Variants in LYZL4 observed in about 807,000 individuals in gnomAD.
The protein encoded by LYZL4 is lysozyme like 4.
In LYZL4, 13 loss-of-function variants were observed where a neutral mutation model predicts 17.6. The observed-to-expected ratio is 0.74, with a 90% CI of 0.48 to 1.18. The LOEUF is 1.18. Ranked by LOEUF, LYZL4 falls within the 50% of genes most tolerant of loss-of-function variation. LYZL4 has a pLI of 0.00. For synonymous variants in LYZL4, 64 were observed against 67.7 expected (o/e 0.95, Z 0.27); for missense variants, 174 against 188.2 (o/e 0.92, Z 0.44).
At chr3:42,361,604 C>A in the LYZL4 span, among the ~76,000 whole-genome samples, 1 of 151,690 alleles carries the variant, frequency 6.6e-6, no homozygotes, top group Non-Finnish European at 1.5e-5. Flanking sequence ...GTGGTGCACA[C>A]CTGTTGTTCC....
chr3:42,385,941 A>G, the LYZL4 span, among the ~76,000 whole-genome samples: 9 of 152,256 alleles, frequency 5.9e-5, no homozygotes, highest in Non-Finnish European at 1.0e-4. Flanking sequence ...AGGGTTCTGG[A>G]GGTCAGAGGT....
chr3:42,371,650 T>C, the LYZL4 span, among the ~76,000 whole-genome samples: 2 of 152,126 alleles, frequency 1.3e-5, no homozygotes, highest in Admixed American at 1.3e-4. Flanking sequence ...ACCCAACACT[T>C]AAAATTCACT....
chr3:42,393,216 A>C (rs1297043689), downstream of LYZL4, among the ~76,000 whole-genome samples: 1 of 152,220 alleles, frequency 6.6e-6, no homozygotes, highest in African/African-American at 2.4e-5. Context: ...ACCAGCCACA[A>C]CTTAGGGACA....
At chr3:42,363,689 T>C in the LYZL4 span, among the ~76,000 whole-genome samples, 46 of 152,206 alleles carry the variant, frequency 3.0e-4, no homozygotes, top group African/African-American at 1.1e-3. Flanking sequence ...AAGCTCTATG[T>C]CACAGAAGAA....
At chr3:42,392,125 G>A (rs139885195), downstream of LYZL4, among the ~76,000 whole-genome samples, 5 of 152,114 alleles carry the variant, frequency 3.3e-5, no homozygotes, top group African/African-American at 9.7e-5. Flanking sequence ...GCTTGCCTTG[G>A]CCTCCCAAAG....
the LYZL4 span, among the ~76,000 whole-genome samples, chr3:42,376,661 G>A: frequency 2.9e-4 from 44 of 152,152 alleles, no homozygotes; most frequent in East Asian, 1.2e-3. Flanking sequence ...TGGCGGGGGC[G>A]GATCTCTCTA....
chr3:42,391,814 T>C, the LYZL4 span, among the ~76,000 whole-genome samples: 1 of 152,056 alleles, frequency 6.6e-6, no homozygotes, highest in Non-Finnish European at 1.5e-5. Flanking sequence ...AATATGTTTT[T>C]TTGATGGTGT....
chr3:42,397,332 G>A lies in LYZL4; in HGVS notation c.374C>T (p.Pro125Leu). ...GTACTGGCAGTACCGGGACCAGGTG[G>A]GCCTGTGGAGAGAAGTGAACAGGAA... ...VKGKEGMGAW[P>L]TWSRYCQYSD... The change falls in exon 5 of 5, where the codon CCC becomes CTC. Residue 125 changes from proline to leucine, a missense_variant and splice_region_variant. Transcript: ENST00000287748. The A allele has an allele frequency of 6.4e-7, 1 of 1,570,044 alleles. No individual in the cohort carries two copies. Among genetic ancestry groups the A allele is most frequent in the Non-Finnish European group, 8.6e-7 (1 of 1,156,968 alleles).
At chr3:42,383,506 CCTGA>C in the LYZL4 span, among the ~76,000 whole-genome samples, 1 of 149,404 alleles carries the variant, frequency 6.7e-6, no homozygotes, top group African/African-American at 2.5e-5. Flanking sequence ...ACTTGATGAA[CCTGA>C]CTAACTGAAA....
At chr3:42,408,377 C>CCA (rs1698800532) in intron 1 of LYZL4, among the ~76,000 whole-genome samples, 1 of 152,216 alleles carries the variant, frequency 6.6e-6, no homozygotes, top group East Asian at 1.9e-4. Flanking sequence ...ACTCCATTCT[C>CCA]CAGGGAGCTG....
intron 4 of LYZL4, among the ~76,000 whole-genome samples, chr3:42,398,056 G>T (rs1297531572): frequency 6.6e-6 from 1 of 152,180 alleles, no homozygotes; most frequent in African/African-American, 2.4e-5. Flanking sequence ...AGGATAGGAG[G>T]TCCCACAGTG....
At chr3:42,394,013 G>A (rs1226986757), downstream of LYZL4, among the ~76,000 whole-genome samples, 11 of 152,094 alleles carry the variant, frequency 7.2e-5, no homozygotes, top group African/African-American at 2.4e-4. Context: ...GGCTGGTCTC[G>A]AACTCCTGGC....
the LYZL4 span, among the ~76,000 whole-genome samples, chr3:42,373,795 T>C: frequency 2.6e-5 from 4 of 152,172 alleles, no homozygotes; most frequent in Non-Finnish European, 5.9e-5. Context: ...TGCCTTAAGC[T>C]GTTAAAGTCC....
the LYZL4 span, among the ~76,000 whole-genome samples, chr3:42,374,651 C>T: frequency 6.6e-6 from 1 of 152,186 alleles, no homozygotes; most frequent in Admixed American, 6.5e-5. Flanking sequence ...ACGGCCCTCC[C>T]TTCAGCTCAC....
chr3:42,382,615 A>G, the LYZL4 span, among the ~76,000 whole-genome samples: 5 of 151,892 alleles, frequency 3.3e-5, no homozygotes, highest in African/African-American at 1.2e-4. Context: ...GTTTATATAG[A>G]TCAGGAAATG....
the LYZL4 span, among the ~76,000 whole-genome samples, chr3:42,375,283 G>C: frequency 2.6e-5 from 4 of 152,254 alleles, no homozygotes; most frequent in African/African-American, 7.2e-5. Context: ...TTGTAGAATA[G>C]TCGATCTAAC....
chr3:42,369,972 A>G, the LYZL4 span, among the ~76,000 whole-genome samples: 1 of 152,170 alleles, frequency 6.6e-6, no homozygotes, highest in African/African-American at 2.4e-5. Context: ...GCTTGAGCTC[A>G]GGAATTCAAA....
At chr3:42,393,335 G>A (rs867144024), downstream of LYZL4, among the ~76,000 whole-genome samples, 4 of 126,086 alleles carry the variant, frequency 3.2e-5, no homozygotes, top group South Asian at 4.7e-4. Context: ...ACGTGTGCGC[G>A]TGCACACACA....
the LYZL4 span, among the ~76,000 whole-genome samples, chr3:42,375,840 G>A: frequency 6.6e-6 from 1 of 152,200 alleles, no homozygotes; most frequent in Non-Finnish European, 1.5e-5. Flanking sequence ...GGGGACATTG[G>A]ATGTTCTTTT....
Sources: gnomAD v4.1 joint callset for allele counts (sites outside exome capture counted in the v4.1 genomes callset) on GRCh38, gnomAD v4.1.1 for gene constraint, MANE v1.5 for transcripts, NCBI Gene and HGNC (gene_info 2026-07-23, HGNC 2026-07-21) for gene names.